USP15: variants seen among roughly 807,000 people sequenced by gnomAD.
USP15 encodes ubiquitin carboxyl-terminal hydrolase 15.
In USP15, 18 loss-of-function variants were observed where a neutral mutation model predicts 127.1. That is an observed-to-expected ratio of 0.14 (90% confidence interval 0.10 to 0.21). The LOEUF is 0.21. Among genes scored for constraint, USP15 ranks in the 10% least tolerant of loss-of-function variants. USP15 has a pLI of 1.00. For synonymous variants in USP15, 364 were observed against 393.7 expected (o/e 0.92, Z 0.89); for missense variants, 805 against 1,159.9 (o/e 0.69, Z 4.44).
intron 4 of USP15, among the ~76,000 whole-genome samples, chr12:62,320,184 T>C (rs2064945797): frequency 6.6e-6 from 1 of 152,208 alleles, no homozygotes. Flanking sequence ...CCCCCATGTG[T>C]TGGAGGAGGT....
At chr12:62,391,782 AAATTTT>A in intron 16 of USP15, 28 bp from the exon 17 acceptor site, 1 of 1,520,946 alleles carries the variant, frequency 6.6e-7, no homozygotes, top group Admixed American at 1.9e-5. Context: ...AAGACATATT[AAATTTT>A]AAAGAAAAAA....
intron 1 of USP15, among the ~76,000 whole-genome samples, chr12:62,264,856 T>C (rs1197616927): frequency 6.6e-6 from 1 of 152,174 alleles, no homozygotes; most frequent in African/African-American, 2.4e-5. Context: ...TTAAAATTAG[T>C]TTCAGTAGTG....
intron 6 of USP15, 26 bp from the exon 7 acceptor site, chr12:62,349,195 A>G: frequency 4.6e-6 from 6 of 1,301,020 alleles, no homozygotes; most frequent in Non-Finnish European, 6.1e-6. Flanking sequence ...TTTTTTATCT[A>G]ATTTAACATT....
intron 6 of USP15, among the ~76,000 whole-genome samples, chr12:62,338,069 A>G (rs2065529692): frequency 6.6e-6 from 1 of 152,152 alleles, no homozygotes; most frequent in African/African-American, 2.4e-5. Context: ...GTCTTCCACA[A>G]TGGTTGAACT....
intron 20 of USP15, among the ~76,000 whole-genome samples, chr12:62,399,301 A>G (rs1319749937): frequency 6.6e-6 from 1 of 152,308 alleles, no homozygotes; most frequent in Middle Eastern, 3.4e-3. Context: ...AATAGGGAAA[A>G]GTGTGCTCAA....
intron 19 of USP15, among the ~76,000 whole-genome samples, chr12:62,395,017 A>G (rs2067442813): frequency 6.6e-6 from 1 of 152,208 alleles, no homozygotes; most frequent in Admixed American, 6.5e-5. Context: ...CTTGAATGAT[A>G]GATTTTGATT....
At chr12:62,371,237 T>C (rs1020045110) in intron 8 of USP15, among the ~76,000 whole-genome samples, 1 of 152,220 alleles carries the variant, frequency 6.6e-6, no homozygotes, top group South Asian at 2.1e-4. Context: ...GAATTTATTA[T>C]GTTTCAAAAC....
chr12:62,384,506 C>A (rs1212484838), intron 11 of USP15, among the ~76,000 whole-genome samples: 1 of 151,248 alleles, frequency 6.6e-6, no homozygotes, highest in South Asian at 2.1e-4. Context: ...GAAAGAGCAA[C>A]GTGTGTCTTA....
intron 1 of USP15, among the ~76,000 whole-genome samples, chr12:62,280,565 C>T (rs2063619643): frequency 6.6e-6 from 1 of 152,036 alleles, no homozygotes; most frequent in Admixed American, 6.6e-5. Flanking sequence ...TCTCTGGGAG[C>T]CTCTTTTATA....
chr12:62,317,680 T>C (rs1055176770), intron 4 of USP15, among the ~76,000 whole-genome samples: 4 of 152,250 alleles, frequency 2.6e-5, no homozygotes, highest in Non-Finnish European at 5.9e-5. Context: ...ATAAATTTTA[T>C]GAACAGATTT....
chr12:62,376,754 G>A (rs959497380), intron 8 of USP15, among the ~76,000 whole-genome samples: 3 of 152,148 alleles, frequency 2.0e-5, no homozygotes, highest in Non-Finnish European at 4.4e-5. Flanking sequence ...AACAGTCCAG[G>A]AAGCATTGAG....
chr12:62,344,298 G>C (rs1330077899), intron 6 of USP15, among the ~76,000 whole-genome samples: 4 of 152,100 alleles, frequency 2.6e-5, no homozygotes, highest in Non-Finnish European at 5.9e-5. Context: ...CAAAACAAAG[G>C]GTCTATAGGC....
chr12:62,316,283 C>CA (rs146374195), intron 4 of USP15, among the ~76,000 whole-genome samples: 9,097 of 84,820 alleles, frequency 0.11, 387 homozygotes, highest in African/African-American at 0.22. Context: ...GACTTTATCT[C>CA]AAAAAAAAAA....
chr12:62,362,374 C>G (rs1337792450), intron 8 of USP15, among the ~76,000 whole-genome samples: 1 of 151,852 alleles, frequency 6.6e-6, no homozygotes, highest in Non-Finnish European at 1.5e-5. Flanking sequence ...ACAAGATGCT[C>G]TCATTAAGTA....
chr12:62,390,978 A>G lies in USP15; in HGVS notation c.1959A>G (p.Pro653=), dbSNP rs146724831. Residue 653 remains proline (P), a splice_region_variant and synonymous_variant, in exon 15 of 22, where the codon CCA becomes CCG. Coordinates refer to ENST00000280377, the MANE Select transcript of USP15 (RefSeq NM_001252078.2). ...ATGGCATACATGAAGAAGGCTCACC[A>G]AGTAAGACTTTTCTGTTAAATTGTA... The part of the protein sequence containing the change: ...GPNGIHEEGS[P]SEMETDEPDD... 1 of 1,607,240 alleles carries G rather than the reference A, an allele frequency of 6.2e-7. No homozygotes were observed. Among genetic ancestry groups the G allele is most frequent in the African/African-American group, 1.3e-5 (1 of 74,714 alleles).
chr12:62,323,105 C>G (rs912807657), intron 5 of USP15, among the ~76,000 whole-genome samples: 3 of 152,182 alleles, frequency 2.0e-5, no homozygotes, highest in Non-Finnish European at 4.4e-5. Context: ...CTATTTCTCT[C>G]AATGTCCATT....
rs1248090367 is a variant in USP15, at chr12:62,414,639, G to A, written c.*10264G>A. 6.6e-6 allele frequency: 1 copy of A among 152,142 alleles called. No individual in the cohort carries two copies. The highest frequency in any genetic ancestry group is 2.4e-5 in the African/African-American group (1 of 41,418). 9.4% of individuals were successfully genotyped at this position (152,142 alleles called of 1,614,324 possible). ...GGCATGAACCACAGCACCTGGCCATGTATTTTCATTTAACCAGTACTAAAT... is the reference window on the plus strand; with the variant it reads ...GGCATGAACCACAGCACCTGGCCATATATTTTCATTTAACCAGTACTAAAT... On this transcript the variant is annotated 3_prime_UTR_variant, in exon 22 of 22. Coordinates refer to ENST00000280377, the MANE Select transcript of USP15 (RefSeq NM_001252078.2).
rs747919514 is a variant in USP15, at chr12:62,383,902, G to T, written c.1152G>T (p.Leu384=). 11 of 1,612,822 alleles carry T rather than the reference G, an allele frequency of 6.8e-6. No homozygotes were observed. The highest frequency in any genetic ancestry group is 1.1e-5 in the South Asian group (1 of 91,030). Residue 384 remains leucine, a synonymous_variant, in exon 10 of 22, where the codon CTG becomes CTT. Coordinates refer to ENST00000280377, the MANE Select transcript of USP15 (RefSeq NM_001252078.2). ...ATCAGCAGCAAGACTGTCAAGAACTGTTAGCTTTCCTATTAGATGGATTAC... is the reference window on the plus strand; with the variant it reads ...ATCAGCAGCAAGACTGTCAAGAACTTTTAGCTTTCCTATTAGATGGATTAC... ...SGYQQQDCQE[L]LAFLLDGLHE...
rs1382199550 is a variant in USP15, at chr12:62,397,994, C to T, written c.2674+1596C>T. On this transcript the variant is annotated intron_variant, in intron 20 of 21. Coordinates refer to ENST00000280377, the MANE Select transcript of USP15 (RefSeq NM_001252078.2). ...ATATTATTATTATATTTTATTTTAT[C>T]TATACGTTTTTTTTTTGAGACTGGC... Among the ~76,000 whole-genome samples, 3 of 115,116 alleles carry T rather than the reference C, an allele frequency of 2.6e-5. No homozygotes were observed. The Admixed American group carries it at 2.7e-4, about 10-fold the overall frequency. The allele number at this position is 115,116 out of a possible 152,430, so 75.5% of individuals were successfully genotyped here.
Sources: gnomAD v4.1 joint callset for allele counts (sites outside exome capture counted in the v4.1 genomes callset) on GRCh38, gnomAD v4.1.1 for gene constraint, MANE v1.5 for transcripts, NCBI Gene and HGNC (gene_info 2026-07-23, HGNC 2026-07-21) for gene names.